Variants in MORN3 observed in about 807,000 individuals in gnomAD.
The protein encoded by MORN3 is MORN repeat-containing protein 3.
A neutral mutation model predicts 34.7 loss-of-function variants in MORN3; 38 were observed. The observed-to-expected ratio is 1.10, with a 90% CI of 0.85 to 1.44. MORN3 has a LOEUF of 1.44. MORN3 is among the 40% of genes most tolerant of loss of function. MORN3 has a pLI of 0.00. For synonymous variants in MORN3, 109 were observed against 115.3 expected (o/e 0.95, Z 0.35); for missense variants, 311 against 321.7 (o/e 0.97, Z 0.25).
chr12:121,654,282 A>G lies in MORN3; in HGVS notation c.455T>C (p.Leu152Pro). The G allele has an allele frequency of 1.3e-6, 2 of 1,577,550 alleles. No individual in the cohort carries two copies. Among genetic ancestry groups the G allele is most frequent in the Non-Finnish European group, 1.7e-6 (2 of 1,163,314 alleles). Residue 152 changes from leucine to proline, a missense_variant, in exon 3 of 6, where the codon CTG becomes CCG. Coordinates refer to ENST00000355329, the MANE Select transcript of MORN3 (RefSeq NM_173855.5). ...ENDKPNGEGM[L>P]RLKNGNRYEG... is the part of the protein sequence containing the mutation. ...GGGGGTGGGGCACTCACTCAGGCGCAGCATGCCCTCCCCGTTGGGCTTGTC... is the reference window on the plus strand; with the variant it reads ...GGGGGTGGGGCACTCACTCAGGCGCGGCATGCCCTCCCCGTTGGGCTTGTC...
In MORN3 at chr12:121,649,875, T is replaced by G. The variant is rs1893211106; in HGVS notation, c.*1776A>C. On this transcript the variant is annotated 3_prime_UTR_variant, in exon 6 of 6. Transcript: ENST00000355329. ...AGGTGCTGAATTCTTTTTTTTTTTTTTTTTTGTAGCATGGTGATATTGCAC... is the reference window on the plus strand; with the variant it reads ...AGGTGCTGAATTCTTTTTTTTTTTTGTTTTTGTAGCATGGTGATATTGCAC... 1 of 150,558 alleles carries G rather than the reference T, an allele frequency of 6.6e-6. No individual in the cohort carries two copies. The highest frequency in any genetic ancestry group is 1.5e-5 in the Non-Finnish European group (1 of 67,610). 9.3% of individuals were successfully genotyped at this position (150,558 alleles called of 1,614,324 possible). A position where few individuals can be genotyped will look rare whatever the true frequency, so the allele number is the denominator to read the frequency against.
chr12:121,671,417 A>AG (rs1893965629), upstream of MORN3, among the ~76,000 whole-genome samples: 1 of 151,812 alleles, frequency 6.6e-6, no homozygotes, highest in Non-Finnish European at 1.5e-5. Flanking sequence ...AAAAAAAAAA[A>AG]AAATTAGAAG....
rs1252394768 is a variant in MORN3, at chr12:121,652,672, G to GGGC, written c.*6+53_*6+55dup. On this transcript the variant is annotated intron_variant, in intron 5 of 5. Transcript: ENST00000355329. ...CCCCAGGAGATCTGTGCATTGTTCT[G>GGGC]GGCCCTGGAGCAGCCTCAGCCACAT... is the stretch of plus-strand genomic sequence containing the variant. 9 of 1,531,888 alleles carry GGGC rather than the reference G, an allele frequency of 5.9e-6. No individual in the cohort carries two copies. The East Asian group carries it at 2.0e-4, about 34-fold the overall frequency. 94.9% of individuals were successfully genotyped at this position (1,531,888 alleles called of 1,614,324 possible). A position where few individuals can be genotyped will look rare whatever the true frequency, so the allele number is the denominator to read the frequency against.
At chr12:121,670,280 G>T (rs528988690), upstream of MORN3, among the ~76,000 whole-genome samples, 2 of 152,226 alleles carry the variant, frequency 1.3e-5, no homozygotes, top group Non-Finnish European at 2.9e-5. Flanking sequence ...AGCAAAAGCT[G>T]GGAGTGGGGA....
At chr12:121,668,326 C>T (rs941156221) in intron 1 of MORN3, among the ~76,000 whole-genome samples, 2 of 151,536 alleles carry the variant, frequency 1.3e-5, no homozygotes, top group African/African-American at 2.4e-5. Flanking sequence ...GCGGATCACT[C>T]GAGGTCGGGA....
chr12:121,652,788 A>T lies in MORN3; in HGVS notation c.669T>A (p.Asp223Glu). 6.2e-7 allele frequency: 1 copy of T among 1,614,170 alleles called. No individual in the cohort carries two copies. The highest frequency in any genetic ancestry group is 1.3e-5 in the African/African-American group (1 of 75,044). ...TGGCCAAGGCCTCCGCCAGCACACC[A>T]TCAGGGTCTAGGATTTTGACCTGGA... ...PIPEVKILDP[D>E]GVLAEALAMF... The change falls in exon 5 of 6, where the codon GAT becomes GAA. Residue 223 changes from aspartate to glutamate, a missense_variant. Asp to Glu is a conservative substitution (Grantham distance 45, BLOSUM62 2). Transcript: ENST00000355329.
intron 1 of MORN3, among the ~76,000 whole-genome samples, chr12:121,661,018 C>A (rs1242532497): frequency 6.6e-6 from 1 of 151,926 alleles, no homozygotes; most frequent in Admixed American, 6.6e-5. Context: ...GCTATGCTGA[C>A]GTACACAGCT....
chr12:121,660,564 T>TG (rs1893552142), intron 1 of MORN3, among the ~76,000 whole-genome samples: 1 of 151,794 alleles, frequency 6.6e-6, no homozygotes, highest in African/African-American at 2.4e-5. Context: ...TTGGCCAGGC[T>TG]GGTCTCTAAC....
intron 2 of MORN3, 129 bp from the exon 3 acceptor site, chr12:121,654,562 G>A: frequency 3.0e-6 from 3 of 998,724 alleles, no homozygotes; most frequent in East Asian, 2.8e-5. Context: ...ACGTCCAAGC[G>A]GAGGGTCGTG....
In MORN3 at chr12:121,653,146, C is replaced by T; in HGVS notation, c.577G>A (p.Ala193Thr). 1 of 1,614,172 alleles carries T rather than the reference C, an allele frequency of 6.2e-7. No individual in the cohort carries two copies. Among genetic ancestry groups the T allele is most frequent in the Non-Finnish European group, 8.5e-7 (1 of 1,180,044 alleles). Residue 193 changes from alanine to threonine, a missense_variant, in exon 4 of 6, where the codon GCC (alanine) becomes ACC (threonine). Coordinates refer to ENST00000355329, the MANE Select transcript of MORN3 (RefSeq NM_173855.5). ...AAGTCGATCATCGTCCCGCATTTGGCCATATTGTCCACCCAGAAGCCTTCA... is the reference window on the plus strand; with the variant it reads ...AAGTCGATCATCGTCCCGCATTTGGTCATATTGTCCACCCAGAAGCCTTCA... ...LFEGFWVDNM[A>T]KCGTMIDFGR...
At chr12:121,658,954 G>T (rs1192001157) in intron 2 of MORN3, among the ~76,000 whole-genome samples, 7 of 152,112 alleles carry the variant, frequency 4.6e-5, no homozygotes, top group African/African-American at 1.7e-4. Context: ...GCAACCGCAG[G>T]GTTTCGTGGG....
upstream of MORN3, among the ~76,000 whole-genome samples, chr12:121,672,100 T>A (rs1227529423): frequency 2.0e-5 from 3 of 152,120 alleles, no homozygotes. Flanking sequence ...GAGGAGGCTG[T>A]AGTCCTAACA....
intron 1 of MORN3, among the ~76,000 whole-genome samples, chr12:121,662,187 C>T (rs1209576396): frequency 6.6e-6 from 1 of 152,050 alleles, no homozygotes; most frequent in Non-Finnish European, 1.5e-5. Flanking sequence ...AGACCTAAGG[C>T]TGGGCACAGT....
chr12:121,665,969 G>A (rs1410154612), intron 1 of MORN3, among the ~76,000 whole-genome samples: 1 of 151,930 alleles, frequency 6.6e-6, no homozygotes, highest in African/African-American at 2.4e-5. Context: ...ATTTAATACA[G>A]GGGATGGAAG....
intron 1 of MORN3, among the ~76,000 whole-genome samples, chr12:121,661,128 T>TA (rs964354320): frequency 6.6e-6 from 1 of 151,978 alleles, no homozygotes; most frequent in Non-Finnish European, 1.5e-5. Flanking sequence ...GCTAATTTTT[T>TA]AAAAAAATTT....
chr12:121,657,308 A>C (rs59837065), intron 2 of MORN3, among the ~76,000 whole-genome samples: 4,505 of 152,298 alleles, frequency 0.03, 179 homozygotes, highest in East Asian at 0.11. Context: ...TCTGATCCTC[A>C]CTAAACTGCT....
At chr12:121,662,664 G>C (rs1893618279) in intron 1 of MORN3, among the ~76,000 whole-genome samples, 1 of 150,180 alleles carries the variant, frequency 6.7e-6, no homozygotes, top group Admixed American at 6.6e-5. Flanking sequence ...TAAGGCTGGA[G>C]AATCTCTTGA....
chr12:121,663,932 C>A lies in MORN3; in HGVS notation c.146-4584G>T, dbSNP rs528840248. On this transcript the variant is annotated intron_variant, in intron 1 of 5. Coordinates refer to ENST00000355329, the MANE Select transcript of MORN3 (RefSeq NM_173855.5). ...TTTTATTTCCTTTGGGGACACCACT[C>A]TCCCACTCTAAACCCCCAAGGTTTG... is the stretch of plus-strand genomic sequence containing the variant. Among the ~76,000 whole-genome samples, 8 of 152,186 alleles carry A rather than the reference C, an allele frequency of 5.3e-5. No individual in the cohort carries two copies. In the East Asian group the frequency reaches 1.2e-3, roughly 22 times the overall value.
At position 121,659,970 on chromosome 12, in the gene MORN3, G is replaced by A. The variant is rs12303552; in HGVS notation, c.146-622C>T. On this transcript the variant is annotated intron_variant, in intron 1 of 5. Transcript: ENST00000355329. ...GCCTGGAGGCTGGGTGCAGTGGCTC[G>A]AGCCTGTAATCCCAGCACTTTGGGA... Among the ~76,000 whole-genome samples, 1,397 of 151,392 alleles carry A rather than the reference G, an allele frequency of 9.2e-3. 26 individuals are homozygous for A. The highest frequency in any genetic ancestry group is 0.032 in the African/African-American group (1,336 of 41,334).
Sources: gnomAD v4.1 joint callset for allele counts (sites outside exome capture counted in the v4.1 genomes callset) on GRCh38, gnomAD v4.1.1 for gene constraint, MANE v1.5 for transcripts, NCBI Gene and HGNC (gene_info 2026-07-23, HGNC 2026-07-21) for gene names.